The following SLC24A3 variants were observed in gnomAD, a reference collection of about 807,000 sequenced individuals.
SLC24A3 encodes solute carrier family 24 member 3, also known as sodium/potassium/calcium exchanger 3.
SLC24A3 carries 28 observed loss-of-function variants against 75.8 expected under a neutral mutation model. The observed-to-expected ratio is 0.37, with a 90% CI of 0.27 to 0.51. The LOEUF is 0.51. SLC24A3 is among the 20% of genes least tolerant of loss of function. The probability of loss-of-function intolerance (pLI) is 0.94; values close to 1 mark genes in which losing one functional copy is unlikely to be tolerated. For missense variants in SLC24A3, 663 were observed against 847.8 expected (o/e 0.78, Z 2.71); for synonymous variants, 372 against 334.1 (o/e 1.11, Z -1.24).
chr20:19,268,271 CA>C (rs1301841491), intron 1 of SLC24A3, among the ~76,000 whole-genome samples: 4 of 152,054 alleles, frequency 2.6e-5, no homozygotes, highest in African/African-American at 7.2e-5. Flanking sequence ...GTGCAGGTGC[CA>C]TTGTGAATTC....
chr20:19,285,878 G>T (rs1983803555), intron 2 of SLC24A3, among the ~76,000 whole-genome samples: 1 of 152,146 alleles, frequency 6.6e-6, no homozygotes. Flanking sequence ...ATTTATTTGT[G>T]CACTTTACAG....
intron 1 of SLC24A3, among the ~76,000 whole-genome samples, chr20:19,255,854 A>T (rs1023185712): frequency 4.6e-5 from 7 of 152,164 alleles, no homozygotes; most frequent in Admixed American, 2.0e-4. Context: ...CTAGCACTTT[A>T]AGAGGCCAAG....
chr20:19,448,112 C>T (rs1006969671), intron 2 of SLC24A3, among the ~76,000 whole-genome samples: 8 of 152,218 alleles, frequency 5.3e-5, no homozygotes, highest in Admixed American at 1.3e-4. Context: ...GTCATCCCTT[C>T]CTCCCAAAAT....
intron 15 of SLC24A3, among the ~76,000 whole-genome samples, chr20:19,709,497 C>T (rs2122163464): frequency 6.6e-6 from 1 of 152,186 alleles, no homozygotes; most frequent in South Asian, 2.1e-4. Flanking sequence ...TGGCACACAC[C>T]TATAGTCCCA....
chr20:19,509,866 G>C (rs1392319801), intron 2 of SLC24A3, among the ~76,000 whole-genome samples: 1 of 152,192 alleles, frequency 6.6e-6, no homozygotes, highest in Non-Finnish European at 1.5e-5. Flanking sequence ...GAAATGACAG[G>C]TGGCCAAAGC....
chr20:19,685,369 G>T lies in SLC24A3; in HGVS notation c.1324+8G>T. The T allele has an allele frequency of 6.2e-7, 1 of 1,611,552 alleles. No homozygotes were observed. Among genetic ancestry groups the T allele is most frequent in the Non-Finnish European group, 8.5e-7 (1 of 1,177,904 alleles). ...CACCATTCGACACCCCCTGTAAGAG[G>T]TTCTATGTCTGGGCTGGGGTTGGGA... On this transcript the variant is annotated splice_region_variant and intron_variant, in intron 12 of 16. Transcript: ENST00000328041.
At chr20:19,561,989 T>C (rs1190678310) in intron 3 of SLC24A3, among the ~76,000 whole-genome samples, 4 of 152,156 alleles carry the variant, frequency 2.6e-5, no homozygotes, top group Admixed American at 6.5e-5. Context: ...AGAAGAGAAC[T>C]GCCAAAACTC....
chr20:19,538,293 T>A (rs1600271607), intron 3 of SLC24A3, among the ~76,000 whole-genome samples: 1 of 152,134 alleles, frequency 6.6e-6, no homozygotes, highest in African/African-American at 2.4e-5. Context: ...CGTCAGTGGG[T>A]AGATTATTGT....
At chr20:19,532,943 A>G (rs1801330884) in intron 3 of SLC24A3, among the ~76,000 whole-genome samples, 1 of 152,270 alleles carries the variant, frequency 6.6e-6, no homozygotes, top group Non-Finnish European at 1.5e-5. Context: ...GCAGACAGAT[A>G]TCAGCTGTCA....
chr20:19,307,559 A>C (rs1984361414), intron 2 of SLC24A3, among the ~76,000 whole-genome samples: 1 of 152,196 alleles, frequency 6.6e-6, no homozygotes, highest in Non-Finnish European at 1.5e-5. Context: ...CAATGAGAAC[A>C]CATGGACACA....
intron 2 of SLC24A3, among the ~76,000 whole-genome samples, chr20:19,373,048 C>A (rs1368982357): frequency 1.5e-5 from 2 of 135,886 alleles, no homozygotes; most frequent in Admixed American, 7.7e-5. Context: ...GAAAGAAATT[C>A]TTTAGTTTTG....
chr20:19,396,574 C>T (rs1037818279), intron 2 of SLC24A3, among the ~76,000 whole-genome samples: 2 of 152,174 alleles, frequency 1.3e-5, no homozygotes, highest in Admixed American at 6.5e-5. Context: ...TACAGCAGGT[C>T]TAGAACATGC....
At chr20:19,678,820 C>T (rs1299018007) in intron 9 of SLC24A3, among the ~76,000 whole-genome samples, 3 of 150,636 alleles carry the variant, frequency 2.0e-5, no homozygotes, top group Non-Finnish European at 3.0e-5. Context: ...CTCCTCCCTT[C>T]TCAGATGGGG....
intron 4 of SLC24A3, among the ~76,000 whole-genome samples, chr20:19,584,445 T>C (rs759085722): frequency 3.9e-5 from 6 of 152,166 alleles, no homozygotes; most frequent in African/African-American, 7.2e-5. Flanking sequence ...GAGATCAGCA[T>C]AGTATCACAA....
intron 6 of SLC24A3, among the ~76,000 whole-genome samples, chr20:19,648,452 G>GT (rs538570138): frequency 0.034 from 5,050 of 146,682 alleles, 232 homozygotes; most frequent in African/African-American, 0.11. Context: ...TGCTTCAACA[G>GT]TTTTTTTTTT....
intron 1 of SLC24A3, among the ~76,000 whole-genome samples, chr20:19,239,008 G>A (rs1205172159): frequency 2.0e-5 from 3 of 151,488 alleles, no homozygotes; most frequent in Non-Finnish European, 4.4e-5. Context: ...TTCGTGGGAG[G>A]ACCCACTCCT....
chr20:19,669,356 G>A lies in SLC24A3; in HGVS notation c.713+3467G>A, dbSNP rs572532789. Reference sequence around the variant, plus strand: ...ATCTCTACTGAAAATACAAAAATTAGCCAGGCATGGTGATGCACACCTGTA... The same window carrying A: ...ATCTCTACTGAAAATACAAAAATTAACCAGGCATGGTGATGCACACCTGTA... On this transcript the variant is annotated intron_variant, in intron 8 of 16. Transcript: ENST00000328041. Among the ~76,000 whole-genome samples the A allele has an allele frequency of 2.0e-5, 3 of 152,188 alleles. No homozygotes were observed. In the South Asian group the frequency reaches 6.2e-4, roughly 32 times the overall value.
intron 2 of SLC24A3, among the ~76,000 whole-genome samples, chr20:19,411,877 G>A (rs1485880628): frequency 6.6e-6 from 1 of 152,096 alleles, no homozygotes; most frequent in Non-Finnish European, 1.5e-5. Flanking sequence ...GTACATATTT[G>A]GTGAACTTCC....
At chr20:19,546,179 A>AAAAAAAAAAAAAC (rs765227499) in intron 3 of SLC24A3, among the ~76,000 whole-genome samples, 17 of 147,462 alleles carry the variant, frequency 1.2e-4, no homozygotes, top group Non-Finnish European at 2.1e-4. Context: ...AAAAAAAAAA[A>AAAAAAAAAAAAAC]AAAAAAAAAC....
Sources: allele counts gnomAD v4.1 joint callset (sites outside exome capture counted in the v4.1 genomes callset), GRCh38; gene constraint gnomAD v4.1.1; transcripts MANE v1.5; gene names NCBI Gene and HGNC (gene_info 2026-07-23, HGNC 2026-07-21).